Variants in ZC3H12B observed in about 807,000 individuals in gnomAD.
The protein encoded by ZC3H12B is zinc finger CCCH-type containing 12B, also known as probable ribonuclease ZC3H12B.
A neutral mutation model predicts 43.9 loss-of-function variants in ZC3H12B; 7 were observed. The observed-to-expected ratio is 0.16, with a 90% confidence interval of 0.09 to 0.30. ZC3H12B has a LOEUF of 0.30. Ranked by LOEUF, ZC3H12B falls within the 10% of genes least tolerant of loss-of-function variation. ZC3H12B has a pLI of 1.00. For synonymous variants in ZC3H12B, 222 were observed against 241.7 expected (o/e 0.92, Z 0.76); for missense variants, 475 against 670.2 (o/e 0.71, Z 3.22).
At chrX:65,134,491 G>A in the ZC3H12B span, among the ~76,000 whole-genome samples, 1 of 111,966 alleles carries the variant, frequency 8.9e-6, no homozygotes, top group African/African-American at 3.3e-5. Flanking sequence ...TGGAAGGACA[G>A]GGAGATTGAA....
chrX:65,175,759 G>A, the ZC3H12B span, among the ~76,000 whole-genome samples: 1 of 112,171 alleles, frequency 8.9e-6, no homozygotes. Context: ...GCACGGTGGG[G>A]CGTTGCCTCA....
At chrX:65,347,621 C>A in the ZC3H12B span, among the ~76,000 whole-genome samples, 2 of 112,234 alleles carry the variant, frequency 1.8e-5, no homozygotes, top group African/African-American at 6.5e-5. Context: ...AATAGGAACA[C>A]TTTTACACTG....
the ZC3H12B span, among the ~76,000 whole-genome samples, chrX:65,252,620 C>T: frequency 9.0e-6 from 1 of 111,606 alleles, no homozygotes. Context: ...GGAGTTTGCC[C>T]TTGTCTCTAT....
chrX:65,503,005 G>A (rs373591911), exon 5 of ZC3H12B: 7 of 1,209,358 alleles, frequency 5.8e-6, no homozygotes, highest in Middle Eastern at 2.3e-4. Flanking sequence ...AAAAGATGGA[G>A]CAGCTTTGGA....
the ZC3H12B span, among the ~76,000 whole-genome samples, chrX:65,057,607 T>G: frequency 9.0e-5 from 10 of 111,396 alleles, no homozygotes; most frequent in Admixed American, 9.6e-4. Flanking sequence ...TTCTCTGTAT[T>G]TCCTGAATTT....
At chrX:65,479,922 C>T (rs1191047618) in intron 3 of ZC3H12B, among the ~76,000 whole-genome samples, 1 of 112,597 alleles carries the variant, frequency 8.9e-6, no homozygotes, top group Non-Finnish European at 1.9e-5. Flanking sequence ...CCATTGATTA[C>T]TTGGGGTACA....
the ZC3H12B span, among the ~76,000 whole-genome samples, chrX:65,211,088 G>GAAAAAA: frequency 1.1e-3 from 72 of 63,272 alleles, no homozygotes; most frequent in African/African-American, 4.0e-3. Flanking sequence ...AAAAAAGAAA[G>GAAAAAA]AAAAAAAAAA....
the ZC3H12B span, among the ~76,000 whole-genome samples, chrX:65,166,718 C>G: frequency 9.0e-6 from 1 of 111,669 alleles, no homozygotes; most frequent in Non-Finnish European, 1.9e-5. Context: ...TGTTTCTTGA[C>G]TTTTTAATGA....
intron 3 of ZC3H12B, among the ~76,000 whole-genome samples, chrX:65,464,391 T>A (rs1013769732): frequency 1.8e-5 from 2 of 111,171 alleles, no homozygotes; most frequent in African/African-American, 6.6e-5. Flanking sequence ...GTCTAAATTA[T>A]ATAATTGGTT....
the ZC3H12B span, among the ~76,000 whole-genome samples, chrX:65,119,728 A>G: frequency 6.3e-5 from 7 of 111,741 alleles, no homozygotes; most frequent in Non-Finnish European, 1.1e-4. Flanking sequence ...GCCCATGCCT[A>G]TGTCCTGAAT....
At chrX:65,399,487 T>C (rs1283641662) in intron 3 of ZC3H12B, among the ~76,000 whole-genome samples, 1 of 111,778 alleles carries the variant, frequency 8.9e-6, no homozygotes, top group South Asian at 3.8e-4. Flanking sequence ...TAAAATATTA[T>C]CTCACCTCAA....
At chrX:65,284,149 A>T in the ZC3H12B span, among the ~76,000 whole-genome samples, 254 of 108,959 alleles carry the variant, frequency 2.3e-3, 1 homozygote, top group African/African-American at 8.1e-3. Flanking sequence ...ATTACCATAG[A>T]TTCATTTTCA....
the ZC3H12B span, among the ~76,000 whole-genome samples, chrX:65,325,036 TA>T: frequency 9.0e-6 from 1 of 111,381 alleles, no homozygotes; most frequent in East Asian, 2.8e-4. Context: ...TGTTATTATG[TA>T]ATGTTTCTGT....
chrX:65,396,580 CT>C (rs371460867), intron 2 of ZC3H12B, among the ~76,000 whole-genome samples: 423 of 99,939 alleles, frequency 4.2e-3, no homozygotes, highest in African/African-American at 7.2e-3. Flanking sequence ...TTGTTTTTGT[CT>C]TTTTTTTTTT....
chrX:65,297,128 G>A, the ZC3H12B span, among the ~76,000 whole-genome samples: 3 of 111,397 alleles, frequency 2.7e-5, no homozygotes, highest in Non-Finnish European at 3.8e-5. Flanking sequence ...ATTCAACATA[G>A]TACTGGAAGT....
chrX:65,370,463 C>T lies in ZC3H12B; in HGVS notation n.295+1465C>T, dbSNP rs184238681. 2.3e-3 allele frequency among the ~76,000 whole-genome samples: 256 copies of T among 111,707 alleles called. 2 individuals are homozygous for T. The highest frequency in any genetic ancestry group is 7.7e-3 in the African/African-American group (237 of 30,782). The stretch of plus-strand genomic sequence containing the variant: ...ACTTGAAATAAAAAATATGAAAGTA[C>T]TTTGTAGGCAATAACATTCTATCAT... On this transcript the variant is annotated intron_variant and non_coding_transcript_variant, in intron 2 of 5. Coordinates refer to the ZC3H12B transcript ENST00000617377.
intron 3 of ZC3H12B, among the ~76,000 whole-genome samples, chrX:65,456,414 T>G (rs1335098045): frequency 6.9e-5 from 1 of 14,415 alleles, no homozygotes; most frequent in African/African-American, 3.1e-4. Flanking sequence ...CCTCTCCCTC[T>G]CCCTCTCCCT....
intron 3 of ZC3H12B, among the ~76,000 whole-genome samples, chrX:65,422,822 A>G (rs1440876866): frequency 9.3e-6 from 1 of 107,480 alleles, no homozygotes; most frequent in Non-Finnish European, 1.9e-5. Flanking sequence ...TCTGAGAATG[A>G]TGCTTTCCAG....
At chrX:65,177,345 G>A in the ZC3H12B span, among the ~76,000 whole-genome samples, 1 of 111,855 alleles carries the variant, frequency 8.9e-6, no homozygotes, top group Admixed American at 9.6e-5. Context: ...AAAGCTGGAA[G>A]CATTCCCTTT....
Sources: allele counts gnomAD v4.1 joint callset (sites outside exome capture counted in the v4.1 genomes callset), GRCh38; gene constraint gnomAD v4.1.1; transcripts MANE v1.5; gene names NCBI Gene and HGNC (gene_info 2026-07-23, HGNC 2026-07-21).